CD84: variants seen among roughly 807,000 people sequenced by gnomAD.
CD84 encodes SLAM family member 5.
CD84 carries 22 observed loss-of-function variants against 33.8 expected under a neutral mutation model. The observed-to-expected ratio is 0.65, with a 90% CI of 0.46 to 0.93. CD84 has a LOEUF of 0.93. Among genes scored for constraint, CD84 ranks in the 40% least tolerant of loss-of-function variants. The pLI is 0.00. For missense variants in CD84, 400 were observed against 397.6 expected (o/e 1.01, Z -0.05); for synonymous variants, 154 against 145.2 (o/e 1.06, Z -0.44).
chr1:160,576,245 T>C (rs1445616981), intron 1 of CD84, among the ~76,000 whole-genome samples: 1 of 152,190 alleles, frequency 6.6e-6, no homozygotes, highest in African/African-American at 2.4e-5. Flanking sequence ...ACTCATTTCT[T>C]AGAATTTTAG....
chr1:160,564,112 A>G (rs1657169255), intron 2 of CD84, among the ~76,000 whole-genome samples: 1 of 152,194 alleles, frequency 6.6e-6, no homozygotes, highest in Non-Finnish European at 1.5e-5. Flanking sequence ...CTTGCAAAAC[A>G]AAGCACGCAC....
rs1655541370 is a variant in CD84 at position 160,541,553 on chromosome 1, C to T, written c.*6703G>A. ...AGTATAAATAGAGGGCAATATATTT[C>T]GCTTTGGACGGGAGGTTTTAGAAGG... On this transcript the variant is annotated 3_prime_UTR_variant, in exon 7 of 7. Coordinates refer to ENST00000368054, the MANE Select transcript of CD84 (RefSeq NM_003874.4). 2.6e-5 allele frequency: 4 copies of T among 152,262 alleles called. No individual in the cohort carries two copies. Among genetic ancestry groups the T allele is most frequent in the Admixed American group, 6.5e-5 (1 of 15,296 alleles). 9.4% of individuals were successfully genotyped at this position (152,262 alleles called of 1,614,324 possible).
At chr1:160,572,412 C>T (rs1031262730) in intron 1 of CD84, among the ~76,000 whole-genome samples, 7 of 152,118 alleles carry the variant, frequency 4.6e-5, no homozygotes, top group African/African-American at 1.2e-4. Context: ...AATATTTGAA[C>T]GTAGCTGTGT....
intron 2 of CD84, among the ~76,000 whole-genome samples, chr1:160,559,696 G>A (rs1447177598): frequency 6.6e-6 from 1 of 152,068 alleles, no homozygotes; most frequent in Non-Finnish European, 1.5e-5. Flanking sequence ...TGGCAAACTG[G>A]TATGCTGAGA....
At chr1:160,576,250 T>G (rs1657986829) in intron 1 of CD84, among the ~76,000 whole-genome samples, 1 of 152,156 alleles carries the variant, frequency 6.6e-6, no homozygotes, top group Non-Finnish European at 1.5e-5. Flanking sequence ...TTTCTTAGAA[T>G]TTTAGGTCTC....
chr1:160,571,671 G>A (rs188526145), intron 1 of CD84, among the ~76,000 whole-genome samples: 3 of 152,216 alleles, frequency 2.0e-5, no homozygotes, highest in East Asian at 1.9e-4. Flanking sequence ...CTGGGGGCTG[G>A]GGGGGAGGAG....
At chr1:160,571,416 G>C (rs997699204) in intron 1 of CD84, 1 of 152,162 alleles carries the variant, frequency 6.6e-6, no homozygotes, top group African/African-American at 2.4e-5. Context: ...GATGTCTAAT[G>C]ATTCAGCGTT....
chr1:160,563,188 C>T (rs1316639622), intron 2 of CD84, among the ~76,000 whole-genome samples: 1 of 152,126 alleles, frequency 6.6e-6, no homozygotes, highest in Non-Finnish European at 1.5e-5. Context: ...GACAGTGTGG[C>T]CATTCCTCAG....
At chr1:160,558,539 T>C (rs765576199) in intron 2 of CD84, among the ~76,000 whole-genome samples, 1 of 152,170 alleles carries the variant, frequency 6.6e-6, no homozygotes, top group Non-Finnish European at 1.5e-5. Context: ...AAAGAATTAA[T>C]GCAAAAATGC....
intron 2 of CD84, among the ~76,000 whole-genome samples, chr1:160,560,218 T>G (rs1656860824): frequency 6.6e-6 from 1 of 152,162 alleles, no homozygotes; most frequent in Non-Finnish European, 1.5e-5. Flanking sequence ...ATGCACTTAC[T>G]TTAAAATTGA....
chr1:160,560,407 A>T (rs1656872681), intron 2 of CD84, among the ~76,000 whole-genome samples: 1 of 152,172 alleles, frequency 6.6e-6, no homozygotes, highest in Admixed American at 6.5e-5. Context: ...TTGGGTAAAC[A>T]ATGAAATTAA....
At chr1:160,551,312 G>A in intron 4 of CD84, 1 of 389,254 alleles carries the variant, frequency 2.6e-6, no homozygotes, top group Non-Finnish European at 4.7e-6. Context: ...GTCAAATGTA[G>A]CTCTTCTACC....
At chr1:160,556,189 A>G (rs759638867) in intron 2 of CD84, among the ~76,000 whole-genome samples, 5 of 152,208 alleles carry the variant, frequency 3.3e-5, no homozygotes, top group Non-Finnish European at 5.9e-5. Context: ...CTCAGCAGGA[A>G]CAGAGGTGTT....
chr1:160,549,928 A>T lies in CD84; in HGVS notation c.910T>A (p.Phe304Ile). The T allele has an allele frequency of 6.2e-6, 10 of 1,612,148 alleles. No individual in the cohort carries two copies. The highest frequency in any genetic ancestry group is 7.6e-6 in the Non-Finnish European group (9 of 1,178,312). Residue 304 changes from phenylalanine (F) to isoleucine (I), a missense_variant, in exon 6 of 7, where the codon TTT (phenylalanine) becomes ATT (isoleucine). Coordinates refer to ENST00000368054, the MANE Select transcript of CD84 (RefSeq NM_003874.4). ...PVNTVYSEVQFADKMGKASTQ... is the reference protein window; with the variant it reads ...PVNTVYSEVQIADKMGKASTQ... ...CAGAAAGGGGTTACCTTATCAGCAA[A>T]CTGCACTTCGGAATAAACTGTGTTC...
Position 160,547,272 on chromosome 1 carries a change from G to A in CD84, c.*984C>T. The A allele has an allele frequency of 2.5e-6, 1 of 398,312 alleles. No individual in the cohort carries two copies. The highest frequency in any genetic ancestry group is 4.4e-6 in the Non-Finnish European group (1 of 226,002). The allele number at this position is 398,312 out of a possible 1,614,324, so 24.7% of individuals were successfully genotyped here. ...TGGAGAATGACTCTGCTTCTTGCAA[G>A]GTCTTCTATTTTGATGGTTGGATTA... On this transcript the variant is annotated 3_prime_UTR_variant, in exon 7 of 7. Coordinates refer to ENST00000368054, the MANE Select transcript of CD84 (RefSeq NM_003874.4).
At chr1:160,563,350 T>C (rs1387025655) in intron 2 of CD84, among the ~76,000 whole-genome samples, 1 of 152,162 alleles carries the variant, frequency 6.6e-6, no homozygotes, top group Admixed American at 6.5e-5. Flanking sequence ...TCAACCCAAA[T>C]GCCCATCAAT....
chr1:160,565,474 GTC>G lies in CD84; in HGVS notation c.316_317del (p.Asp106LeufsTer10). On this transcript the variant is annotated frameshift_variant, in exon 2 of 7. Transcript: ENST00000368054. LOFTEE classifies it high-confidence loss of function. Reference sequence around the variant, plus strand: ...CCTGTGTATTTATGTCTGCTTTGTAGTCTCCTGCGTCTTCCATCCTCAGATCG... The same window carrying G: ...CCTGTGTATTTATGTCTGCTTTGTAGTCCTGCGTCTTCCATCCTCAGATCG... ...ISDLRMEDAG[D>X]YKADINTQAD... The G allele has an allele frequency of 7.4e-6, 12 of 1,613,910 alleles. No individual in the cohort carries two copies. Among genetic ancestry groups the G allele is most frequent in the Non-Finnish European group, 1.0e-5 (12 of 1,179,884 alleles).
chr1:160,554,115 ACT>A lies in CD84; in HGVS notation c.418_419del (p.Ser140PhefsTer10). ...AGGTGCTGTTCACAGATGCCATTAA[ACT>A]CTGTGTAATTTTTGGTTTCCCAAGC... ...RRLGKPKITQ[S>X]LMASVNSTCN... On this transcript the variant is annotated frameshift_variant, in exon 3 of 7. Coordinates refer to ENST00000368054, the MANE Select transcript of CD84 (RefSeq NM_003874.4). LOFTEE classifies it high-confidence loss of function. 1 of 1,613,260 alleles carries A rather than the reference ACT, an allele frequency of 6.2e-7. No individual in the cohort carries two copies. The highest frequency in any genetic ancestry group is 8.5e-7 in the Non-Finnish European group (1 of 1,179,532).
chr1:160,563,141 T>C (rs1474229352), intron 2 of CD84, among the ~76,000 whole-genome samples: 1 of 152,218 alleles, frequency 6.6e-6, no homozygotes, highest in Non-Finnish European at 1.5e-5. Flanking sequence ...ACAATGTTGG[T>C]GGGAGTGTAA....
Sources: allele counts gnomAD v4.1 joint callset (sites outside exome capture counted in the v4.1 genomes callset), GRCh38; gene constraint gnomAD v4.1.1; transcripts MANE v1.5; gene names NCBI Gene and HGNC (gene_info 2026-07-23, HGNC 2026-07-21).